The following DOCK2 variants were observed in gnomAD, a reference collection of about 807,000 sequenced individuals.
DOCK2 encodes the protein dedicator of cytokinesis 2, also known as dedicator of cytokinesis protein 2.
DOCK2 carries 87 observed loss-of-function variants against 248.9 expected under a neutral mutation model. That is an observed-to-expected ratio of 0.35 (90% CI 0.29 to 0.42). DOCK2 has a LOEUF of 0.42. Ranked by LOEUF, DOCK2 falls within the 10% of genes least tolerant of loss-of-function variation. DOCK2 has a pLI of 1.00. For missense variants in DOCK2, 1,747 were observed against 2,300.2 expected (o/e 0.76, Z 4.92); for synonymous variants, 805 against 821.6 (o/e 0.98, Z 0.35).
chr5:169,724,115 TGTGAA>T (rs1189135734), intron 22 of DOCK2, among the ~76,000 whole-genome samples: 2 of 152,064 alleles, frequency 1.3e-5, no homozygotes, highest in African/African-American at 4.8e-5. Flanking sequence ...GCCATGCAAA[TGTGAA>T]GTCTGGCTGG....
intron 33 of DOCK2, among the ~76,000 whole-genome samples, chr5:170,025,873 G>A (rs899174153): frequency 4.8e-5 from 6 of 123,984 alleles, no homozygotes; most frequent in Admixed American, 9.3e-5. Context: ...CCATTTGTCC[G>A]TCCATCCATT....
intron 44 of DOCK2, among the ~76,000 whole-genome samples, chr5:170,059,687 T>C (rs2113860830): frequency 6.6e-6 from 1 of 152,338 alleles, no homozygotes; most frequent in South Asian, 2.1e-4. Flanking sequence ...TACCTCCAAG[T>C]GCTAAGAATA....
At chr5:169,670,629 C>T (rs1330699689) in intron 4 of DOCK2, 32 bp downstream of exon 4, 2 of 1,612,190 alleles carry the variant, frequency 1.2e-6, no homozygotes, top group African/African-American at 2.7e-5. Context: ...ACTTGAGCCT[C>T]CAGTGGCTCA....
chr5:169,831,052 T>G (rs909447729), intron 26 of DOCK2, among the ~76,000 whole-genome samples: 1 of 152,180 alleles, frequency 6.6e-6, no homozygotes. Flanking sequence ...GAGTTCTATT[T>G]TCATTGTTAC....
chr5:169,654,407 A>G lies in DOCK2; in HGVS notation c.48A>G (p.Ile16Met). The G allele has an allele frequency of 6.2e-7, 1 of 1,614,196 alleles. No individual in the cohort carries two copies. ...KADKERHGVA[I>M]YNFQGSGAPQ... ...GTCTTTCTTTCTGTTTCACAGCCAT[A>G]TACAACTTCCAAGGCAGCGGAGCCC... The change falls in exon 2 of 52, where the codon ATA (isoleucine) becomes ATG (methionine). Residue 16 changes from isoleucine (I) to methionine (M), a missense_variant. Coordinates refer to ENST00000520908, the MANE Select transcript of DOCK2 (RefSeq NM_004946.3).
intron 25 of DOCK2, among the ~76,000 whole-genome samples, chr5:169,792,145 T>C (rs1766377152): frequency 6.6e-6 from 1 of 152,238 alleles, no homozygotes; most frequent in East Asian, 1.9e-4. Flanking sequence ...ATGATAGCCC[T>C]GGAAGGGTGT....
chr5:170,051,742 A>G (rs1756924226), intron 41 of DOCK2, among the ~76,000 whole-genome samples: 1 of 152,224 alleles, frequency 6.6e-6, no homozygotes, highest in South Asian at 2.1e-4. Flanking sequence ...CGTGCCTGGT[A>G]CAAAGTGACT....
At chr5:170,018,828 AAAC>A in intron 32 of DOCK2, 129 bp from the exon 33 acceptor site, 1 of 1,203,896 alleles carries the variant, frequency 8.3e-7, no homozygotes. Flanking sequence ...GGCTCATGGT[AAAC>A]AACTATATAA....
chr5:169,832,623 C>A lies in DOCK2; in HGVS notation c.2704-8134C>A, dbSNP rs554647836. ...GACAGCACTAAACCTAGAACTCATG[C>A]AAAAATCACATTCCCTCTAAGGGCC... On this transcript the variant is annotated intron_variant, in intron 26 of 51. Coordinates refer to ENST00000520908, the MANE Select transcript of DOCK2 (RefSeq NM_004946.3). Among the ~76,000 whole-genome samples the A allele has an allele frequency of 2.0e-5, 3 of 152,272 alleles. No homozygotes were observed. The South Asian group carries it at 6.2e-4, about 32-fold the overall frequency.
At chr5:170,067,344 G>C (rs951144484) in intron 44 of DOCK2, among the ~76,000 whole-genome samples, 166 bp from the exon 45 acceptor site, 2 of 152,132 alleles carry the variant, frequency 1.3e-5, no homozygotes, top group African/African-American at 2.4e-5. Context: ...TCTCCCCAGA[G>C]AGCAGACAGC....
chr5:169,787,657 T>C (rs925875481), intron 25 of DOCK2, among the ~76,000 whole-genome samples: 5 of 151,640 alleles, frequency 3.3e-5, no homozygotes, highest in Non-Finnish European at 7.4e-5. Context: ...TTCTCCTCAG[T>C]CAGTCCTCAT....
In DOCK2 at chr5:170,047,538, T is replaced by A. The variant is rs1363914896; in HGVS notation, c.3995T>A (p.Ile1332Asn). 1 of 1,613,768 alleles carries A rather than the reference T, an allele frequency of 6.2e-7. No homozygotes were observed. Among genetic ancestry groups the A allele is most frequent in the Non-Finnish European group, 8.5e-7 (1 of 1,179,840 alleles). Residue 1332 changes from isoleucine (I) to asparagine (N), a missense_variant, in exon 40 of 52, where the codon ATC (isoleucine) becomes AAC (asparagine). This residue lies in a region of DOCK2 where 858 missense variants were observed against 1,183.5 expected (regional missense o/e 0.72). Coordinates refer to ENST00000520908, the MANE Select transcript of DOCK2 (RefSeq NM_004946.3). Reference sequence around the variant, plus strand: ...CAGCAGGCAAAATTCTATGAAAGCATCATGAAAATCCTCAGGCCCAAACCA... The same window carrying A: ...CAGCAGGCAAAATTCTATGAAAGCAACATGAAAATCCTCAGGCCCAAACCA... ...LIQQAKFYES[I>N]MKILRPKPDY...
intron 25 of DOCK2, among the ~76,000 whole-genome samples, chr5:169,801,952 G>T (rs1767020575): frequency 6.6e-6 from 1 of 151,762 alleles, no homozygotes; most frequent in Non-Finnish European, 1.5e-5. Context: ...GATTTAAAAT[G>T]ATATCCTGGT....
chr5:170,036,451 C>T, intron 35 of DOCK2, 64 bp from the exon 36 acceptor site: 1 of 1,532,224 alleles, frequency 6.5e-7, no homozygotes, highest in East Asian at 2.3e-5. Flanking sequence ...TTCATCACCA[C>T]ACCCTTGACC....
intron 14 of DOCK2, chr5:169,702,630 C>T: frequency 1.8e-6 from 1 of 558,462 alleles, no homozygotes; most frequent in Non-Finnish European, 2.8e-6. Context: ...TACACCAAAG[C>T]AGTTTTTCAA....
intron 25 of DOCK2, among the ~76,000 whole-genome samples, chr5:169,780,774 TA>T (rs1159353435): frequency 3.3e-5 from 5 of 152,238 alleles, no homozygotes; most frequent in African/African-American, 1.2e-4. Context: ...TTGTCATCCA[TA>T]GGTTCTTGGG....
chr5:169,943,301 A>C (rs1022055370), intron 27 of DOCK2, among the ~76,000 whole-genome samples: 5 of 152,182 alleles, frequency 3.3e-5, no homozygotes, highest in African/African-American at 1.2e-4. Context: ...CTTGAGGAAT[A>C]AGCAGTAGCT....
At chr5:170,050,516 A>G in intron 41 of DOCK2, 119 bp downstream of exon 41, 2 of 1,215,448 alleles carry the variant, frequency 1.6e-6, no homozygotes, top group Non-Finnish European at 2.3e-6. Flanking sequence ...CAGTGGCGCC[A>G]TGTTGCAGGA....
intron 26 of DOCK2, among the ~76,000 whole-genome samples, chr5:169,820,287 T>C (rs879083737): frequency 6.6e-6 from 1 of 152,196 alleles, no homozygotes; most frequent in Non-Finnish European, 1.5e-5. Context: ...TCTCCCAGCA[T>C]GGAGTTTGAG....
Sources: allele counts gnomAD v4.1 joint callset (sites outside exome capture counted in the v4.1 genomes callset), GRCh38; gene constraint gnomAD v4.1.1; regional missense constraint gnomAD v4.1.1; transcripts MANE v1.5; gene names NCBI Gene and HGNC (gene_info 2026-07-23, HGNC 2026-07-21).